CAMK2D: variants seen among roughly 807,000 people sequenced by gnomAD.
The protein encoded by CAMK2D is calcium/calmodulin-dependent protein kinase type II subunit delta.
Under a neutral mutation model 84.0 loss-of-function variants are expected in CAMK2D, and 37 were observed. The observed-to-expected ratio is 0.44, with a 90% CI of 0.34 to 0.58. The LOEUF (loss-of-function observed/expected upper bound fraction) is 0.58, where lower values mean the gene tolerates loss of function less well. Ranked by LOEUF, CAMK2D falls within the 20% of genes least tolerant of loss-of-function variation. CAMK2D has a pLI of 0.02. For missense variants in CAMK2D, 448 were observed against 652.5 expected (o/e 0.69, Z 3.41); for synonymous variants, 202 against 212.5 (o/e 0.95, Z 0.43).
intron 2 of CAMK2D, among the ~76,000 whole-genome samples, chr4:113,674,250 G>C (rs752929053): frequency 2.6e-5 from 4 of 152,012 alleles, no homozygotes; most frequent in Non-Finnish European, 5.9e-5. Flanking sequence ...TTCTGATATT[G>C]AATTTATGAT....
chr4:113,696,949 G>T (rs752260708), intron 2 of CAMK2D, among the ~76,000 whole-genome samples: 1 of 152,028 alleles, frequency 6.6e-6, no homozygotes, highest in Non-Finnish European at 1.5e-5. Flanking sequence ...GCATATGAAC[G>T]TTTTGAGGTA....
At chr4:113,456,618 TAAAC>T (rs2097307157) in intron 19 of CAMK2D, 1 of 152,242 alleles carries the variant, frequency 6.6e-6, no homozygotes, top group South Asian at 2.1e-4. Flanking sequence ...CAAACTGTTA[TAAAC>T]AGTTTACTAC....
chr4:113,650,239 G>A (rs1344430797), intron 3 of CAMK2D, among the ~76,000 whole-genome samples: 5 of 151,888 alleles, frequency 3.3e-5, no homozygotes, highest in Admixed American at 3.3e-4. Flanking sequence ...AAATTAGACG[G>A]CTGGGTGTGG....
intron 3 of CAMK2D, among the ~76,000 whole-genome samples, chr4:113,644,806 G>A (rs940377862): frequency 2.0e-5 from 3 of 152,000 alleles, no homozygotes; most frequent in Non-Finnish European, 2.9e-5. Context: ...CAAAGTGGCC[G>A]GGAGACACAA....
chr4:113,751,453 T>C (rs2099617058), intron 2 of CAMK2D, among the ~76,000 whole-genome samples: 1 of 152,200 alleles, frequency 6.6e-6, no homozygotes. Flanking sequence ...ATTCATGCTT[T>C]ATTTCAATGT....
intron 2 of CAMK2D, among the ~76,000 whole-genome samples, chr4:113,677,943 G>A (rs1475561008): frequency 2.0e-5 from 3 of 151,936 alleles, no homozygotes; most frequent in South Asian, 2.1e-4. Flanking sequence ...GAGATCAAGC[G>A]AAACTATGCA....
intron 2 of CAMK2D, among the ~76,000 whole-genome samples, chr4:113,662,869 T>G (rs930991538): frequency 2.0e-5 from 3 of 152,222 alleles, no homozygotes; most frequent in African/African-American, 7.2e-5. Context: ...AGACACACTC[T>G]GAAAACCACT....
At chr4:113,492,632 G>A (rs1429418996) in intron 16 of CAMK2D, among the ~76,000 whole-genome samples, 1 of 151,010 alleles carries the variant, frequency 6.6e-6, no homozygotes, top group Non-Finnish European at 1.5e-5. Flanking sequence ...ATTTGGGGTG[G>A]AGAGTTCTGT....
intron 2 of CAMK2D, chr4:113,754,653 T>C: frequency 1.0e-6 from 1 of 975,544 alleles, no homozygotes; most frequent in Non-Finnish European, 1.2e-6. Context: ...AGAAAAGAAT[T>C]CTATTATTTC....
intron 16 of CAMK2D, 71 bp downstream of exon 16, chr4:113,500,392 G>A: frequency 1.1e-6 from 1 of 870,490 alleles, no homozygotes; most frequent in Non-Finnish European, 1.8e-6. Context: ...TTAGTTATTT[G>A]AAGCACTTTT....
At chr4:113,584,791 G>C (rs981148658) in intron 4 of CAMK2D, among the ~76,000 whole-genome samples, 4 of 152,042 alleles carry the variant, frequency 2.6e-5, no homozygotes, top group Non-Finnish European at 5.9e-5. Flanking sequence ...AATTGTGGTG[G>C]TTTCCAAAAG....
chr4:113,618,207 C>T (rs959035726), intron 3 of CAMK2D, among the ~76,000 whole-genome samples: 2 of 152,120 alleles, frequency 1.3e-5, no homozygotes, highest in Admixed American at 6.6e-5. Flanking sequence ...TCAACACTCT[C>T]GAGTTAAAGT....
Position 113,629,501 on chromosome 4 carries a change from C to T in CAMK2D, c.221-20295G>A, listed in dbSNP as rs998892040. 3.3e-5 allele frequency among the ~76,000 whole-genome samples: 5 copies of T among 151,892 alleles called. No individual in the cohort carries two copies. In the East Asian group the frequency reaches 5.8e-4, roughly 18 times the overall value. On this transcript the variant is annotated intron_variant, in intron 3 of 20. Coordinates refer to ENST00000511664, the MANE Select transcript of CAMK2D (RefSeq NM_001321571.2). ...TATAAACAAATAATATATATACATA[C>T]ATAACTAAAACATAAGTTACAGAAA...
intron 4 of CAMK2D, among the ~76,000 whole-genome samples, chr4:113,574,136 G>T (rs1022044969): frequency 6.6e-6 from 1 of 152,126 alleles, no homozygotes. Context: ...GCATCCAGTG[G>T]TTTACCACCT....
At chr4:113,632,412 A>G (rs892204257) in intron 3 of CAMK2D, among the ~76,000 whole-genome samples, 2 of 151,936 alleles carry the variant, frequency 1.3e-5, no homozygotes, top group Non-Finnish European at 2.9e-5. Context: ...TAGTAGAAAC[A>G]GGGTTTCATT....
At chr4:113,705,290 G>A (rs1404056278) in intron 2 of CAMK2D, among the ~76,000 whole-genome samples, 1 of 144,340 alleles carries the variant, frequency 6.9e-6, no homozygotes, top group Non-Finnish European at 1.5e-5. Context: ...TCACCCCACT[G>A]CACTTCAGCC....
intron 4 of CAMK2D, 25 bp from the exon 5 acceptor site, chr4:113,552,121 CT>C: frequency 7.1e-7 from 1 of 1,400,168 alleles, no homozygotes; most frequent in Non-Finnish European, 1.0e-6. Flanking sequence ...AACATAATCA[CT>C]TTTAAAAAGA....
intron 4 of CAMK2D, among the ~76,000 whole-genome samples, chr4:113,607,164 G>T (rs866863221): frequency 1.3e-5 from 2 of 151,936 alleles, no homozygotes; most frequent in Admixed American, 6.6e-5. Flanking sequence ...TAAAAGAAGG[G>T]ACTCAAACAT....
intron 4 of CAMK2D, among the ~76,000 whole-genome samples, chr4:113,578,494 C>A (rs1279905666): frequency 6.6e-6 from 1 of 152,124 alleles, no homozygotes; most frequent in African/African-American, 2.4e-5. Context: ...AAGTGTATTG[C>A]TTTAAGTTAT....
Sources: allele counts gnomAD v4.1 joint callset (sites outside exome capture counted in the v4.1 genomes callset), GRCh38; gene constraint gnomAD v4.1.1; transcripts MANE v1.5; gene names NCBI Gene and HGNC (gene_info 2026-07-23, HGNC 2026-07-21).